COL26A1: variants seen among roughly 807,000 people sequenced by gnomAD.
COL26A1 encodes the protein collagen type XXVI alpha 1 chain.
A neutral mutation model predicts 59.3 loss-of-function variants in COL26A1; 41 were observed. The observed-to-expected ratio is 0.69, with a 90% CI of 0.54 to 0.90. The LOEUF (loss-of-function observed/expected upper bound fraction) is 0.90, where lower values mean the gene tolerates loss of function less well. COL26A1 is among the 40% of genes least tolerant of loss of function. COL26A1 has a pLI of 0.00. For missense variants in COL26A1, 612 were observed against 602.3 expected (o/e 1.02, Z -0.17); for synonymous variants, 266 against 256.0 (o/e 1.04, Z -0.37).
At chr7:101,455,813 G>T (rs2130406342) in intron 3 of COL26A1, among the ~76,000 whole-genome samples, 1 of 152,212 alleles carries the variant, frequency 6.6e-6, no homozygotes, top group African/African-American at 2.4e-5. Context: ...CTCCCAAGTA[G>T]CTGGGACTGC....
At chr7:101,523,974 A>G (rs1008291186) in intron 3 of COL26A1, among the ~76,000 whole-genome samples, 2 of 152,042 alleles carry the variant, frequency 1.3e-5, no homozygotes, top group South Asian at 4.2e-4. Flanking sequence ...TTTATTTTCA[A>G]AAACAACAAT....
intron 3 of COL26A1, among the ~76,000 whole-genome samples, chr7:101,515,298 G>T (rs1177865092): frequency 6.3e-5 from 9 of 142,258 alleles, no homozygotes; most frequent in Admixed American, 4.9e-4. Context: ...TTTTTTTTTT[G>T]AGACAGGGTC....
chr7:101,363,502 GC>G (rs1195366644), intron 1 of COL26A1, among the ~76,000 whole-genome samples: 1 of 136,792 alleles, frequency 7.3e-6, no homozygotes, highest in African/African-American at 2.8e-5. Context: ...AGACCGAAGG[GC>G]CTTGGGTGCA....
chr7:101,440,479 T>G (rs1470975284), intron 2 of COL26A1, among the ~76,000 whole-genome samples: 1 of 152,000 alleles, frequency 6.6e-6, no homozygotes, highest in Non-Finnish European at 1.5e-5. Context: ...TTTCCAAGAC[T>G]GGGGAAATGG....
At chr7:101,525,824 C>T (rs1795235682) in intron 3 of COL26A1, among the ~76,000 whole-genome samples, 3 of 152,058 alleles carry the variant, frequency 2.0e-5, no homozygotes, top group African/African-American at 7.2e-5. Context: ...TAGAAAGTGA[C>T]CAAACGTAGA....
At chr7:101,401,224 A>G (rs1791988517) in intron 1 of COL26A1, among the ~76,000 whole-genome samples, 1 of 152,178 alleles carries the variant, frequency 6.6e-6, no homozygotes, top group South Asian at 2.1e-4. Flanking sequence ...AGAGGATTGT[A>G]GAACATGACG....
chr7:101,507,964 G>C (rs1044966589), intron 3 of COL26A1, among the ~76,000 whole-genome samples: 4 of 152,086 alleles, frequency 2.6e-5, no homozygotes, highest in Non-Finnish European at 5.9e-5. Flanking sequence ...GAAAACTGCC[G>C]TAATATATAT....
At chr7:101,555,454 G>A (rs1289345466) in intron 11 of COL26A1, among the ~76,000 whole-genome samples, 11 of 152,160 alleles carry the variant, frequency 7.2e-5, no homozygotes. Flanking sequence ...GGGGGAAGCT[G>A]ACAGGCAGCT....
rs149867889 is a variant in COL26A1, at chr7:101,377,674, C to T, written c.158+14484C>T. On this transcript the variant is annotated intron_variant, in intron 1 of 12. Coordinates refer to ENST00000313669, the MANE Select transcript of COL26A1 (RefSeq NM_001278563.3). ...ACTCCTGGGCTCAAGCGATTCTCCT[C>T]CCTCAGCCTCCCAAAGTGCTGGAAT... Among the ~76,000 whole-genome samples the T allele has an allele frequency of 3.1e-3, 468 of 151,938 alleles. 1 individual carries two copies. The highest frequency in any genetic ancestry group is 0.011 in the African/African-American group (441 of 41,428).
chr7:101,451,270 G>T (rs752062584), intron 3 of COL26A1, among the ~76,000 whole-genome samples: 1 of 144,110 alleles, frequency 6.9e-6, no homozygotes, highest in Non-Finnish European at 1.5e-5. Context: ...CAATATGAAA[G>T]ATATATTTAT....
chr7:101,379,743 A>G (rs1025256550), intron 1 of COL26A1, among the ~76,000 whole-genome samples: 18 of 152,150 alleles, frequency 1.2e-4, no homozygotes, highest in Non-Finnish European at 2.2e-4. Flanking sequence ...AAAACCCACC[A>G]AAACCAAGAT....
chr7:101,379,118 T>C (rs1440727151), intron 1 of COL26A1, among the ~76,000 whole-genome samples: 2 of 152,166 alleles, frequency 1.3e-5, no homozygotes, highest in African/African-American at 4.8e-5. Flanking sequence ...TGGGAGGGTT[T>C]ATCTCCCTTC....
chr7:101,518,183 CATCTTGCTGT>C, intron 3 of COL26A1, among the ~76,000 whole-genome samples: 1 of 152,308 alleles, frequency 6.6e-6, no homozygotes, highest in Admixed American at 6.5e-5. Context: ...ACCTTGCCCG[CATCTTGCTGT>C]ATTTTTGGGA....
At chr7:101,386,810 G>A (rs1167825295) in intron 1 of COL26A1, among the ~76,000 whole-genome samples, 2 of 152,170 alleles carry the variant, frequency 1.3e-5, no homozygotes, top group African/African-American at 2.4e-5. Context: ...GAGGGTCCAG[G>A]CTGTTGCCTG....
chr7:101,465,691 CA>C lies in COL26A1; in HGVS notation c.385+17925del, dbSNP rs539721605. ...CCTGGACGACAAAGTGAAACTGTCTCAAAAAAAAAAAAAAAAAAAAAGAAAA... is the reference window on the plus strand; with the variant it reads ...CCTGGACGACAAAGTGAAACTGTCTCAAAAAAAAAAAAAAAAAAAAGAAAA... On this transcript the variant is annotated intron_variant, in intron 3 of 12. Coordinates refer to ENST00000313669, the MANE Select transcript of COL26A1 (RefSeq NM_001278563.3). Among the ~76,000 whole-genome samples the C allele has an allele frequency of 5.2e-3, 536 of 102,640 alleles. 1 individual carries two copies. Among genetic ancestry groups the C allele is most frequent in the African/African-American group, 0.01 (288 of 28,024 alleles). 67.3% of individuals were successfully genotyped at this position (102,640 alleles called of 152,430 possible).
chr7:101,392,154 A>G (rs1425653056), intron 1 of COL26A1, among the ~76,000 whole-genome samples: 1 of 151,986 alleles, frequency 6.6e-6, no homozygotes, highest in Admixed American at 6.6e-5. Flanking sequence ...GTTGCTAGAG[A>G]TTTCACTGCA....
intron 6 of COL26A1, among the ~76,000 whole-genome samples, chr7:101,544,724 G>C (rs1795694050): frequency 6.6e-6 from 1 of 151,320 alleles, no homozygotes; most frequent in Non-Finnish European, 1.5e-5. Context: ...GTAGAGACAG[G>C]GTTTCACCAT....
At chr7:101,505,330 C>G (rs1563017027) in intron 3 of COL26A1, among the ~76,000 whole-genome samples, 3 of 151,602 alleles carry the variant, frequency 2.0e-5, no homozygotes, top group African/African-American at 4.9e-5. Context: ...TGTGGGCACT[C>G]TGTGTGTGCA....
intron 2 of COL26A1, among the ~76,000 whole-genome samples, chr7:101,445,711 G>C (rs1302489511): frequency 1.8e-5 from 2 of 109,434 alleles, no homozygotes; most frequent in African/African-American, 7.1e-5. Context: ...CAGCCTGGGC[G>C]ACAGAGCGAG....
Sources: gnomAD v4.1 joint callset for allele counts (sites outside exome capture counted in the v4.1 genomes callset) on GRCh38, gnomAD v4.1.1 for gene constraint, MANE v1.5 for transcripts, NCBI Gene and HGNC (gene_info 2026-07-23, HGNC 2026-07-21) for gene names.